The following ACSF2 variants were observed in gnomAD, a reference collection of about 807,000 sequenced individuals.
ACSF2 encodes the protein acyl-CoA synthetase family member 2, also known as medium-chain acyl-CoA ligase ACSF2, mitochondrial.
Under a neutral mutation model 79.3 loss-of-function variants are expected in ACSF2, and 52 were observed. That is an observed-to-expected ratio of 0.66 (90% CI 0.53 to 0.83). The LOEUF is 0.83. Ranked by LOEUF, ACSF2 falls within the 40% of genes least tolerant of loss-of-function variation. The pLI, the probability that ACSF2 is intolerant of heterozygous loss-of-function variation, is 0.00. For missense variants in ACSF2, 661 were observed against 803.3 expected (o/e 0.82, Z 2.14); for synonymous variants, 283 against 312.6 (o/e 0.91, Z 1.00).
chr17:50,432,194 C>T (rs555152084), intron 1 of ACSF2, among the ~76,000 whole-genome samples: 12 of 152,280 alleles, frequency 7.9e-5, no homozygotes, highest in East Asian at 7.7e-4. Context: ...GTGAGCCACA[C>T]GCCTGGCCTT....
chr17:50,457,539 A>G (rs925342097), intron 1 of ACSF2, among the ~76,000 whole-genome samples: 1 of 152,212 alleles, frequency 6.6e-6, no homozygotes, highest in Admixed American at 6.5e-5. Context: ...CAAGGGGGAG[A>G]AGCAGGAGGA....
At position 50,461,668 on chromosome 17, in the gene ACSF2, G is replaced by A. The variant is rs746554597; in HGVS notation, c.489G>A (p.Leu163=). Residue 163 remains leucine, a synonymous_variant, in exon 4 of 16, where the codon CTG becomes CTA. Coordinates refer to ENST00000300441, the MANE Select transcript of ACSF2 (RefSeq NM_025149.6). The stretch of plus-strand genomic sequence containing the variant: ...ACCCAGCCTACCAGGCTATGGAACT[G>A]GAGTATGTCCTCAAGAAGGTACAGC... ...SVNPAYQAME[L]EYVLKKVGCK... is the part of the protein sequence containing the mutation. The A allele has an allele frequency of 6.2e-7, 1 of 1,614,142 alleles. No homozygotes were observed. The highest frequency in any genetic ancestry group is 1.7e-5 in the Admixed American group (1 of 60,022).
chr17:50,459,465 A>G (rs1415049811), intron 1 of ACSF2, among the ~76,000 whole-genome samples: 3 of 151,904 alleles, frequency 2.0e-5, no homozygotes, highest in Admixed American at 1.3e-4. Context: ...CTGATCTCGA[A>G]CTCCTGGGCT....
At chr17:50,461,203 TG>T (rs751024411) in intron 2 of ACSF2, 38 bp from the exon 3 acceptor site, 2 of 1,613,228 alleles carry the variant, frequency 1.2e-6, no homozygotes, top group East Asian at 4.5e-5. Flanking sequence ...CCTTCCTGCT[TG>T]CCCCCTTTCA....
intron 10 of ACSF2, chr17:50,468,615 C>T (rs2032911838): frequency 6.2e-7 from 1 of 1,614,240 alleles, no homozygotes; most frequent in Non-Finnish European, 8.5e-7. Context: ...GAATTGGCAG[C>T]CAGCACCGGG....
chr17:50,474,817 A>C lies in ACSF2; in HGVS notation c.*265A>C. The C allele has an allele frequency of 2.1e-6, 1 of 484,684 alleles. No homozygotes were observed. Among genetic ancestry groups the C allele is most frequent in the Non-Finnish European group, 3.7e-6 (1 of 272,120 alleles). 30.0% of individuals were successfully genotyped at this position (484,684 alleles called of 1,614,324 possible). ...TGTCTGTCCTTGTGATTTGGCATAA[A>C]GAGCTTCTGTTTTCTTTGGCTTCTT... On this transcript the variant is annotated 3_prime_UTR_variant, in exon 16 of 16. Transcript: ENST00000300441. This position sits in a 1 kb window ranked among gnomAD's most constrained non-coding sequence, Gnocchi z 4.2.
At chr17:50,459,533 C>T (rs753680663) in intron 1 of ACSF2, among the ~76,000 whole-genome samples, 1 of 152,160 alleles carries the variant, frequency 6.6e-6, no homozygotes, top group Non-Finnish European at 1.5e-5. Context: ...CAGGTGTGAG[C>T]CACCATGCCT....
intron 1 of ACSF2, among the ~76,000 whole-genome samples, chr17:50,450,884 G>A (rs190987682): frequency 9.9e-5 from 15 of 152,214 alleles, no homozygotes; most frequent in East Asian, 9.6e-4. Context: ...GTTTGTTTCC[G>A]CCTTTTGGGT....
chr17:50,452,454 A>G (rs993620194), intron 1 of ACSF2, among the ~76,000 whole-genome samples: 2 of 151,342 alleles, frequency 1.3e-5, no homozygotes, highest in African/African-American at 4.8e-5. Flanking sequence ...ACTGCACTAC[A>G]GCCTGGGTGA....
intron 1 of ACSF2, among the ~76,000 whole-genome samples, chr17:50,459,339 C>G (rs1021329619): frequency 1.3e-5 from 2 of 152,210 alleles, no homozygotes; most frequent in Non-Finnish European, 2.9e-5. Context: ...CTCCCAGGCT[C>G]GAGTGATCCT....
intron 10 of ACSF2, chr17:50,464,831 G>T (rs761691099): frequency 5.0e-5 from 18 of 357,390 alleles, no homozygotes; most frequent in Non-Finnish European, 7.7e-5. Context: ...AGGCATGAAG[G>T]CTGGGGAGAG....
intron 1 of ACSF2, among the ~76,000 whole-genome samples, chr17:50,441,467 G>A (rs1342668014): frequency 3.3e-5 from 5 of 152,238 alleles, no homozygotes; most frequent in African/African-American, 1.2e-4. Context: ...GAGCCACCAT[G>A]CCTGGCCTGG....
chr17:50,432,760 C>T (rs148652174), intron 1 of ACSF2, among the ~76,000 whole-genome samples: 1 of 152,210 alleles, frequency 6.6e-6, no homozygotes, highest in Non-Finnish European at 1.5e-5. Context: ...AATCCCAGTC[C>T]TACCAGTCCT....
chr17:50,462,124 C>T (rs995696513), intron 4 of ACSF2, 60 bp from the exon 5 acceptor site: 1 of 1,470,930 alleles, frequency 6.8e-7, no homozygotes. Context: ...GTGAGGACTC[C>T]CCCAGAGCTC....
chr17:50,469,082 G>T, intron 10 of ACSF2: 2 of 1,225,640 alleles, frequency 1.6e-6, no homozygotes, highest in Non-Finnish European at 2.0e-6. Context: ...TGGCCCCCGA[G>T]CCCCGAGCCC....
chr17:50,431,500 A>G (rs942530154), intron 1 of ACSF2, among the ~76,000 whole-genome samples: 2 of 152,170 alleles, frequency 1.3e-5, no homozygotes, highest in African/African-American at 4.8e-5. Flanking sequence ...CTGCAGTTTG[A>G]AGCCTTTGTA....
At chr17:50,433,076 C>A (rs973299057) in intron 1 of ACSF2, among the ~76,000 whole-genome samples, 1 of 151,906 alleles carries the variant, frequency 6.6e-6, no homozygotes, top group Non-Finnish European at 1.5e-5. Context: ...TATACACACA[C>A]ACGCACACAC....
chr17:50,448,347 G>A (rs182906758), intron 1 of ACSF2, among the ~76,000 whole-genome samples: 1 of 152,322 alleles, frequency 6.6e-6, no homozygotes, highest in African/African-American at 2.4e-5. Flanking sequence ...AAGCCAAAAT[G>A]TCATTTTGCA....
Position 50,437,788 on chromosome 17 carries a change from G to C in ACSF2, c.128+11399G>C, listed in dbSNP as rs573606212. On this transcript the variant is annotated intron_variant, in intron 1 of 15. Transcript: ENST00000300441. ...TTAGTAGGAGATCATCAAGCTCCTT[G>C]TATTTTCCCTCTTAAAACTTTCATG... is the stretch of plus-strand genomic sequence containing the variant. Among the ~76,000 whole-genome samples the C allele has an allele frequency of 3.9e-5, 6 of 152,188 alleles. No homozygotes were observed. In the South Asian group the frequency reaches 1.2e-3, roughly 32 times the overall value.
Sources: gnomAD v4.1 joint callset for allele counts (sites outside exome capture counted in the v4.1 genomes callset) on GRCh38, gnomAD v4.1.1 for gene constraint, Gnocchi (gnomAD v3.1) non-coding constraint, MANE v1.5 for transcripts, NCBI Gene and HGNC (gene_info 2026-07-23, HGNC 2026-07-21) for gene names.